SHOX2: variants seen among roughly 807,000 people sequenced by gnomAD.
The protein encoded by SHOX2 is SHOX homeobox 2.
In SHOX2, 13 loss-of-function variants were observed where a neutral mutation model predicts 31.3. The ratio of observed to expected loss-of-function variants is 0.42; its 90% CI spans 0.27 to 0.66. The LOEUF (loss-of-function observed/expected upper bound fraction) is 0.66, where lower values mean the gene tolerates loss of function less well. Ranked by LOEUF, SHOX2 falls within the 30% of genes least tolerant of loss-of-function variation. The pLI, the probability that SHOX2 is intolerant of heterozygous loss-of-function variation, is 0.27. For synonymous variants in SHOX2, 244 were observed against 196.2 expected (o/e 1.24, Z -2.04); for missense variants, 473 against 443.0 (o/e 1.07, Z -0.61).
At chr3:158,102,607 T>C in intron 2 of SHOX2, 71 bp downstream of exon 2, 1 of 1,250,700 alleles carries the variant, frequency 8.0e-7, no homozygotes, top group East Asian at 2.3e-5. Context: ...CCCGAGTGTG[T>C]CCCCCAAGCC....
rs1713037722 is a variant in SHOX2, at chr3:158,095,950, A to G, written c.*2077T>C. 1 of 152,600 alleles carries G rather than the reference A, an allele frequency of 6.6e-6. No individual in the cohort carries two copies. Among genetic ancestry groups the G allele is most frequent in the African/African-American group, 2.4e-5 (1 of 41,470 alleles). The allele number at this position is 152,600 out of a possible 1,614,324, so 9.5% of individuals were successfully genotyped here. On this transcript the variant is annotated 3_prime_UTR_variant, in exon 5 of 5. Coordinates refer to ENST00000483851, the MANE Select transcript of SHOX2 (RefSeq NM_001163678.2). ...TCGAGAGAGTGATACGCATTAATCAAAAGGGAAAGACTATCCCGGATATTT... is the reference window on the plus strand; with the variant it reads ...TCGAGAGAGTGATACGCATTAATCAGAAGGGAAAGACTATCCCGGATATTT...
At position 158,096,908 on chromosome 3, in the gene SHOX2, ATATATATATATATATATATATATG is replaced by A. The variant is rs1398400649; in HGVS notation, c.*1095_*1118del. Reference sequence around the variant, plus strand: ...AGGGCAAATATATATATATATATATATATATATATATATATATATATATGGCAAATATATGATATATATATATGG... The same window carrying A: ...AGGGCAAATATATATATATATATATAGCAAATATATGATATATATATATGG... On this transcript the variant is annotated 3_prime_UTR_variant, in exon 5 of 5. Transcript: ENST00000483851. 1.4e-4 allele frequency: 15 copies of A among 108,424 alleles called. 2 individuals are homozygous for A. The highest frequency in any genetic ancestry group is 5.8e-4 in the East Asian group (2 of 3,442). 6.7% of individuals were successfully genotyped at this position (108,424 alleles called of 1,614,324 possible). A position where few individuals can be genotyped will look rare whatever the true frequency, so the allele number is the denominator to read the frequency against.
In SHOX2 at chr3:158,106,291, A is replaced by T; in HGVS notation, c.-267T>A. ...GAGAAGGGTGAAGAGGAGAGGGAGGAGGAGGAGGAGAAGAGAAGGGGCGGG... is the reference window on the plus strand; with the variant it reads ...GAGAAGGGTGAAGAGGAGAGGGAGGTGGAGGAGGAGAAGAGAAGGGGCGGG... On this transcript the variant is annotated 5_prime_UTR_variant, in exon 1 of 5. Coordinates refer to ENST00000483851, the MANE Select transcript of SHOX2 (RefSeq NM_001163678.2). The T allele has an allele frequency of 4.6e-6, 2 of 430,934 alleles. No homozygotes were observed. Among genetic ancestry groups the T allele is most frequent in the Non-Finnish European group, 4.1e-6 (1 of 245,284 alleles). The allele number at this position is 430,934 out of a possible 1,614,324, so 26.7% of individuals were successfully genotyped here.
rs779563559 is a variant in SHOX2, at chr3:158,097,982, G to T, written c.*45C>A. 2 of 1,551,358 alleles carry T rather than the reference G, an allele frequency of 1.3e-6. No homozygotes were observed. Among genetic ancestry groups the T allele is most frequent in the Admixed American group, 3.7e-5 (2 of 53,490 alleles). The stretch of plus-strand genomic sequence containing the variant: ...GCAGCGGGGCGCGGAGGGCGTGCAG[G>T]CTGAGTGCCGCGGGACAGGCGCGAC... On this transcript the variant is annotated 3_prime_UTR_variant, in exon 5 of 5. Coordinates refer to ENST00000483851, the MANE Select transcript of SHOX2 (RefSeq NM_001163678.2).
rs1265479409 is a variant in SHOX2, at chr3:158,096,912, A to G, written c.*1115T>C. ...CAAATATATATATATATATATATAT[A>G]TATATATATATATATATATGGCAAA... is the stretch of plus-strand genomic sequence containing the variant. On this transcript the variant is annotated 3_prime_UTR_variant, in exon 5 of 5. Transcript: ENST00000483851. 3 of 111,654 alleles carry G rather than the reference A, an allele frequency of 2.7e-5. No individual in the cohort carries two copies. Among genetic ancestry groups the G allele is most frequent in the South Asian group, 2.8e-4 (1 of 3,600 alleles). The allele number at this position is 111,654 out of a possible 1,614,324, so 6.9% of individuals were successfully genotyped here.
chr3:158,106,075 CT>C lies in SHOX2; in HGVS notation c.-52del. ...CAACCTCTGCCAGCAGAGCCCCGCT[CT>C]TTTTTTCCTTCTTCTTTTTTTACTG... is the stretch of plus-strand genomic sequence containing the variant. On this transcript the variant is annotated 5_prime_UTR_variant, in exon 1 of 5. An upstream open reading frame in the 5' UTR gains an earlier in-frame stop. Transcript: ENST00000483851. 2.5e-6 allele frequency: 4 copies of C among 1,605,324 alleles called. No homozygotes were observed. Among genetic ancestry groups the C allele is most frequent in the Non-Finnish European group, 3.4e-6 (4 of 1,175,734 alleles).
At chr3:158,098,877 C>T (rs937915266) in intron 4 of SHOX2, among the ~76,000 whole-genome samples, 2 of 152,180 alleles carry the variant, frequency 1.3e-5, no homozygotes, top group African/African-American at 4.8e-5. Context: ...TTCTAACAAT[C>T]TCCCAGACGG....
Position 158,105,810 on chromosome 3 carries a change from C to A in SHOX2, c.215G>T (p.Gly72Val). 1 of 1,465,030 alleles carries A rather than the reference C, an allele frequency of 6.8e-7. No homozygotes were observed. Among genetic ancestry groups the A allele is most frequent in the Non-Finnish European group, 9.0e-7 (1 of 1,106,894 alleles). The allele number at this position is 1,465,030 out of a possible 1,614,324, so 90.8% of individuals were successfully genotyped here. Reference sequence around the variant, plus strand: ...TCCTCCTACACCTCCTCCGCCTCCTCCGCCGCCGCCTCCGCCTCCTCCGCC... The same window carrying A: ...TCCTCCTACACCTCCTCCGCCTCCTACGCCGCCGCCTCCGCCTCCTCCGCC... ...GGGGGGGGGG[G>V]GGGGGVGGGG... Residue 72 changes from glycine (G) to valine (V), a missense_variant, in exon 1 of 5, where the codon GGA becomes GTA. Gly to Val is a moderately radical substitution (Grantham distance 109). Transcript: ENST00000483851.
intron 2 of SHOX2, among the ~76,000 whole-genome samples, chr3:158,101,373 G>C (rs1713478146): frequency 6.6e-6 from 1 of 152,166 alleles, no homozygotes; most frequent in Non-Finnish European, 1.5e-5. Context: ...ATGGCCTGAG[G>C]CTTCTTGCCT....
At chr3:158,105,458 T>C in intron 1 of SHOX2, among the ~76,000 whole-genome samples, 1 of 149,274 alleles carries the variant, frequency 6.7e-6, no homozygotes, top group Non-Finnish European at 1.5e-5. Flanking sequence ...CCCACACGCT[T>C]CCCCCCACGC....
At chr3:158,103,147 A>C in intron 1 of SHOX2, 1 of 541,158 alleles carries the variant, frequency 1.8e-6, no homozygotes, top group Non-Finnish European at 3.3e-6. Context: ...TCCTTCACAA[A>C]CGTACCTCGA....
rs1713159246 is a variant in SHOX2, at chr3:158,096,983, C to T, written c.*1044G>A. ...ATATATATATATCAATTTCCAGATA[C>T]TTTTGGTATTGTTTTTCATAGTGAA... On this transcript the variant is annotated 3_prime_UTR_variant, in exon 5 of 5. Transcript: ENST00000483851. The T allele has an allele frequency of 8.3e-6, 1 of 120,474 alleles. No homozygotes were observed. Among genetic ancestry groups the T allele is most frequent in the African/African-American group, 3.4e-5 (1 of 29,324 alleles). The allele number at this position is 120,474 out of a possible 1,614,324, so 7.5% of individuals were successfully genotyped here. A position where few individuals can be genotyped will look rare whatever the true frequency, so the allele number is the denominator to read the frequency against.
In SHOX2 at chr3:158,105,772, C is replaced by G. The variant is rs779401030; in HGVS notation, c.253G>C (p.Gly85Arg). 184 of 1,519,980 alleles carry G rather than the reference C, an allele frequency of 1.2e-4. No individual in the cohort carries two copies. Among genetic ancestry groups the G allele is most frequent in the Middle Eastern group, 3.7e-4 (2 of 5,394 alleles). The allele number at this position is 1,519,980 out of a possible 1,614,324, so 94.2% of individuals were successfully genotyped here. A position where few individuals can be genotyped will look rare whatever the true frequency, so the allele number is the denominator to read the frequency against. The change falls in exon 1 of 5, where the codon GGA becomes CGA. Residue 85 changes from glycine to arginine, a missense_variant. This residue lies in a region of SHOX2 where 276 missense variants were observed against 230.0 expected (regional missense o/e 1.20). Coordinates refer to ENST00000483851, the MANE Select transcript of SHOX2 (RefSeq NM_001163678.2). ...GGAGAGCGCCCTCCTCCAGCTCCTC[C>G]GCCTGCTCCTCCTCCTCCTACACCT... The part of the protein sequence containing the change: ...GGGVGGGGAG[G>R]GAGGGRSPVR...
At chr3:158,102,481 G>GAA (rs5853813) in intron 2 of SHOX2, among the ~76,000 whole-genome samples, 197 bp downstream of exon 2, 23,825 of 144,374 alleles carry the variant, frequency 0.17, 2,065 homozygotes, top group African/African-American at 0.23. Flanking sequence ...TGTTAGGATG[G>GAA]AAAAAAAAAA....
In SHOX2 at chr3:158,098,169, G is replaced by T. The variant is rs760931470; in HGVS notation, c.818C>A (p.Pro273Gln). ...CGAATCCGCGGCCAGCGTGGCGAGC[G>T]GCAGTCCGAAGGGCGGTGCTGGGAA... ...MMFPAPPFGL[P>Q]LATLAADSAS... is the part of the protein sequence containing the mutation. Residue 273 changes from proline (P) to glutamine (Q), a missense_variant, in exon 5 of 5, where the codon CCG becomes CAG. This residue lies in a region of SHOX2 where 182 missense variants were observed against 167.2 expected (regional missense o/e 1.09). Transcript: ENST00000483851. 3.1e-6 allele frequency: 5 copies of T among 1,613,468 alleles called. No homozygotes were observed. Among genetic ancestry groups the T allele is most frequent in the Middle Eastern group, 3.3e-4 (2 of 6,036 alleles).
intron 3 of SHOX2, 37 bp downstream of exon 3, chr3:158,100,217 C>T: frequency 6.7e-7 from 1 of 1,487,356 alleles, no homozygotes. Flanking sequence ...TCTCTCTTTG[C>T]TCAGACTATC....
rs1713921366 is a variant in SHOX2, at chr3:158,106,157, G to A, written c.-133C>T. ...GGGACAGGAGGTGGGGGAGGAGAGG[G>A]AGGAGGAGAAAGAAGAAGAAAAAGA... On this transcript the variant is annotated 5_prime_UTR_variant, in exon 1 of 5. Coordinates refer to ENST00000483851, the MANE Select transcript of SHOX2 (RefSeq NM_001163678.2). The A allele has an allele frequency of 7.1e-6, 10 of 1,415,298 alleles. No individual in the cohort carries two copies. Among genetic ancestry groups the A allele is most frequent in the South Asian group, 6.6e-5 (5 of 75,306 alleles). 87.7% of individuals were successfully genotyped at this position (1,415,298 alleles called of 1,614,324 possible). A position where few individuals can be genotyped will look rare whatever the true frequency, so the allele number is the denominator to read the frequency against.
intron 4 of SHOX2, 71 bp from the exon 5 acceptor site, chr3:158,098,355 C>T (rs1264027402): frequency 3.2e-6 from 5 of 1,557,946 alleles, no homozygotes; most frequent in African/African-American, 1.4e-5. Flanking sequence ...AGAGCATTAA[C>T]GGCGTCCAGC....
intron 1 of SHOX2, chr3:158,105,188 A>G (rs928637176): frequency 9.3e-7 from 1 of 1,078,664 alleles, no homozygotes. Flanking sequence ...GGCTCTGCGG[A>G]GTTCGAGGGG....
Sources: allele counts gnomAD v4.1 joint callset (sites outside exome capture counted in the v4.1 genomes callset), GRCh38; gene constraint gnomAD v4.1.1; regional missense constraint gnomAD v4.1.1; transcripts MANE v1.5; gene names NCBI Gene and HGNC (gene_info 2026-07-23, HGNC 2026-07-21).